POP1: variants seen among roughly 807,000 people sequenced by gnomAD.
POP1 encodes ribonucleases P/MRP protein subunit POP1.
In POP1, 75 loss-of-function variants were observed where a neutral mutation model predicts 102.2. The ratio of observed to expected loss-of-function variants is 0.73; its 90% CI spans 0.61 to 0.89. POP1 has a LOEUF of 0.89. Ranked by LOEUF, POP1 falls within the 40% of genes least tolerant of loss-of-function variation. POP1 has a pLI of 0.00. For synonymous variants in POP1, 436 were observed against 464.1 expected (o/e 0.94, Z 0.78); for missense variants, 1,116 against 1,267.4 (o/e 0.88, Z 1.81).
chr8:98,149,247 A>G (rs1272936818), intron 13 of POP1, among the ~76,000 whole-genome samples: 3 of 152,202 alleles, frequency 2.0e-5, no homozygotes, highest in Admixed American at 6.5e-5. Context: ...AAGTGGCCTG[A>G]TATTCGAATA....
chr8:98,140,859 A>T lies in POP1; in HGVS notation c.1565A>T (p.Lys522Ile), dbSNP rs368531021. The stretch of plus-strand genomic sequence containing the variant: ...ATAAATTTGCCCCAAAAGAAGTCCA[A>T]AGCTTTGCCCAATCCAGAAAAATGC... ...PRINLPQKKS[K>I]ALPNPEKCQD... Residue 522 changes from lysine (K) to isoleucine (I), a missense_variant, in exon 11 of 16, where the codon AAA becomes ATA. Lys to Ile is a moderately radical substitution (Grantham distance 102). Transcript: ENST00000401707. The T allele has an allele frequency of 2.5e-6, 4 of 1,613,972 alleles. No individual in the cohort carries two copies. In the African/African-American group the frequency reaches 5.3e-5, roughly 22 times the overall value.
intron 9 of POP1, 30 bp downstream of exon 9, chr8:98,136,984 T>C: frequency 6.5e-7 from 1 of 1,544,792 alleles, no homozygotes; most frequent in South Asian, 1.1e-5. Context: ...TAGTGTTTTA[T>C]TCTAATCATG....
intron 9 of POP1, among the ~76,000 whole-genome samples, chr8:98,137,451 C>T (rs964728616): frequency 6.6e-6 from 1 of 152,062 alleles, no homozygotes; most frequent in African/African-American, 2.4e-5. Context: ...TATAGGTGCA[C>T]ACCACCAGGC....
intron 14 of POP1, among the ~76,000 whole-genome samples, chr8:98,151,294 C>G (rs1809507171): frequency 1.3e-5 from 2 of 152,280 alleles, no homozygotes; most frequent in South Asian, 4.1e-4. Context: ...GTTGCCCAGG[C>G]TGGTCTCGAT....
chr8:98,155,373 T>C (rs1176668176), intron 14 of POP1, among the ~76,000 whole-genome samples: 1 of 152,194 alleles, frequency 6.6e-6, no homozygotes, highest in Admixed American at 6.5e-5. Context: ...CTCTGCCTCC[T>C]GGGTTCAAGC....
In POP1 at chr8:98,133,944, T is replaced by A. The variant is rs1413842633; in HGVS notation, c.736-5T>A. ...GTACTTAATTGTGTCTCCCGCTTTG[T>A]GCAGGATTTATCCTATTACTGTTGT... is the stretch of plus-strand genomic sequence containing the variant. On this transcript the variant is annotated splice_polypyrimidine_tract_variant and splice_region_variant and intron_variant, in intron 5 of 15. Coordinates refer to ENST00000401707, the MANE Select transcript of POP1 (RefSeq NM_001145860.2). 2.5e-6 allele frequency: 4 copies of A among 1,609,312 alleles called. No individual in the cohort carries two copies. The Admixed American group carries it at 6.7e-5, about 27-fold the overall frequency.
intron 14 of POP1, among the ~76,000 whole-genome samples, chr8:98,155,705 C>T (rs1340632886): frequency 6.6e-6 from 1 of 151,890 alleles, no homozygotes; most frequent in Non-Finnish European, 1.5e-5. Context: ...CCTCAGCCTC[C>T]CAGTAGTTGG....
intron 5 of POP1, 129 bp downstream of exon 5, chr8:98,130,355 T>G (rs975219731): frequency 5.8e-6 from 8 of 1,371,398 alleles, no homozygotes; most frequent in African/African-American, 1.4e-5. Context: ...TTCCTGAGCA[T>G]GAAGCCCGGG....
At chr8:98,129,154 G>C (rs1816302992) in intron 4 of POP1, among the ~76,000 whole-genome samples, 2 of 152,112 alleles carry the variant, frequency 1.3e-5, no homozygotes, top group African/African-American at 4.8e-5. Flanking sequence ...TTACCGAGTG[G>C]TTTTGGATCT....
At chr8:98,133,761 G>A (rs1441241720) in intron 5 of POP1, among the ~76,000 whole-genome samples, 188 bp from the exon 6 acceptor site, 1 of 152,170 alleles carries the variant, frequency 6.6e-6, no homozygotes, top group African/African-American at 2.4e-5. Flanking sequence ...GAATGGACAG[G>A]TTTAGATATT....
chr8:98,140,159 A>G lies in POP1; in HGVS notation c.1444A>G (p.Arg482Gly). 6.2e-7 allele frequency: 1 copy of G among 1,614,106 alleles called. No individual in the cohort carries two copies. Among genetic ancestry groups the G allele is most frequent in the Non-Finnish European group, 8.5e-7 (1 of 1,179,980 alleles). Reference sequence around the variant, plus strand: ...ACCTGACAGCGTTTCCCTTCATTGCAGACAAGAAGCCATTTTCGAGTTGTT... The same window carrying G: ...ACCTGACAGCGTTTCCCTTCATTGCGGACAAGAAGCCATTTTCGAGTTGTT... Reference protein sequence around the residue: ...KKPDSVSLHCRQEAIFELLGG... With the variant: ...KKPDSVSLHCGQEAIFELLGG... The change falls in exon 10 of 16, where the codon AGA (arginine) becomes GGA (glycine). Residue 482 changes from arginine to glycine, a missense_variant. Coordinates refer to ENST00000401707, the MANE Select transcript of POP1 (RefSeq NM_001145860.2).
chr8:98,158,070 C>G lies in POP1; in HGVS notation c.2874C>G (p.His958Gln), dbSNP rs1809705053. 6.2e-7 allele frequency: 1 copy of G among 1,609,484 alleles called. No individual in the cohort carries two copies. Among genetic ancestry groups the G allele is most frequent in the Non-Finnish European group, 8.5e-7 (1 of 1,179,614 alleles). Residue 958 changes from histidine to glutamine, a missense_variant, in exon 16 of 16, where the codon CAC becomes CAG. Physicochemically the swap from His to Gln is conservative, Grantham distance 24 (BLOSUM62 0). Transcript: ENST00000401707. The part of the protein sequence containing the change: ...WSGPLPRVTL[H>Q]CSRTLLGFVT... ...GCCCTCTGCCGCGTGTGACGTTGCA[C>G]TGCTCCAGAACTCTCCTAGGCTTTG... is the stretch of plus-strand genomic sequence containing the variant.
At chr8:98,124,564 A>T (rs1045762121) in intron 2 of POP1, among the ~76,000 whole-genome samples, 1 of 152,030 alleles carries the variant, frequency 6.6e-6, no homozygotes, top group African/African-American at 2.4e-5. Flanking sequence ...CCCAAAAAAA[A>T]GGAAAAAAAA....
intron 9 of POP1, among the ~76,000 whole-genome samples, chr8:98,138,470 C>T (rs1316415754): frequency 6.6e-6 from 1 of 152,210 alleles, no homozygotes; most frequent in East Asian, 1.9e-4. Flanking sequence ...CCTCATTCTT[C>T]AGATTTCAGT....
At chr8:98,124,312 A>G (rs765344699) in intron 2 of POP1, among the ~76,000 whole-genome samples, 34 of 152,220 alleles carry the variant, frequency 2.2e-4, no homozygotes, top group Non-Finnish European at 3.7e-4. Flanking sequence ...CTGTAATCCC[A>G]GCACTTTCAG....
chr8:98,151,083 TG>T (rs1313152675), intron 14 of POP1, among the ~76,000 whole-genome samples: 2 of 148,956 alleles, frequency 1.3e-5, no homozygotes, highest in Non-Finnish European at 3.0e-5. Context: ...AGATAAGTAC[TG>T]TTTGTTTGTT....
At chr8:98,141,335 T>C (rs567566821) in intron 11 of POP1, among the ~76,000 whole-genome samples, 35 of 152,206 alleles carry the variant, frequency 2.3e-4, no homozygotes, top group African/African-American at 8.4e-4. Flanking sequence ...TGTCTTGGTT[T>C]AGACTAAGTA....
intron 1 of POP1, among the ~76,000 whole-genome samples, chr8:98,122,799 T>C (rs1294395003): frequency 6.6e-6 from 1 of 152,230 alleles, no homozygotes; most frequent in African/African-American, 2.4e-5. Flanking sequence ...GAACAGCTGC[T>C]TCAAACTGAA....
At chr8:98,121,124 A>C (rs1298540243) in intron 1 of POP1, among the ~76,000 whole-genome samples, 1 of 152,232 alleles carries the variant, frequency 6.6e-6, no homozygotes, top group African/African-American at 2.4e-5. Flanking sequence ...GTAGAGGAAG[A>C]GGCTGAGGCT....
Sources: allele counts gnomAD v4.1 joint callset (sites outside exome capture counted in the v4.1 genomes callset), GRCh38; gene constraint gnomAD v4.1.1; transcripts MANE v1.5; gene names NCBI Gene and HGNC (gene_info 2026-07-23, HGNC 2026-07-21).